The following ZFHX3 variants were observed in gnomAD, a reference collection of about 807,000 sequenced individuals.
ZFHX3 encodes the protein zinc finger homeobox protein 3.
A neutral mutation model predicts 279.1 loss-of-function variants in ZFHX3; 42 were observed. The observed-to-expected ratio is 0.15, with a 90% confidence interval of 0.12 to 0.19. ZFHX3 has a LOEUF of 0.19. Among genes scored for constraint, ZFHX3 ranks in the 10% least tolerant of loss-of-function variants. ZFHX3 has a pLI of 1.00. For synonymous variants in ZFHX3, 2,293 were observed against 1,957.8 expected (o/e 1.17, Z -4.52); for missense variants, 4,981 against 4,754.0 (o/e 1.05, Z -1.40).
chr16:73,283,554 A>G (rs1056799233), intron 4 of ZFHX3, among the ~76,000 whole-genome samples: 1 of 152,196 alleles, frequency 6.6e-6, no homozygotes, highest in Admixed American at 6.5e-5. Flanking sequence ...ATAAGAAAAC[A>G]TGGACATCCA....
chr16:73,347,083 C>T (rs2016138048), intron 3 of ZFHX3, among the ~76,000 whole-genome samples: 1 of 152,176 alleles, frequency 6.6e-6, no homozygotes, highest in East Asian at 1.9e-4. Flanking sequence ...AAATCTAGGT[C>T]TCTGTGATGC....
At chr16:72,803,827 T>G (rs1203944768) in intron 7 of ZFHX3, among the ~76,000 whole-genome samples, 1 of 152,246 alleles carries the variant, frequency 6.6e-6, no homozygotes, top group African/African-American at 2.4e-5. Flanking sequence ...AAAATTCAAC[T>G]GATTACAGCC....
intron 3 of ZFHX3, among the ~76,000 whole-genome samples, chr16:72,928,604 A>G (rs535710902): frequency 1.5e-3 from 231 of 152,300 alleles, no homozygotes; most frequent in Non-Finnish European, 2.7e-3. Context: ...GCCTGTTCAT[A>G]TAAGATTACC....
At chr16:73,755,506 A>G (rs1025760826) in intron 1 of ZFHX3, among the ~76,000 whole-genome samples, 1 of 152,210 alleles carries the variant, frequency 6.6e-6, no homozygotes, top group Admixed American at 6.5e-5. Context: ...CTTCCTTTTT[A>G]AAAGAATCCT....
chr16:73,601,610 G>A (rs916370129), intron 2 of ZFHX3, among the ~76,000 whole-genome samples: 5 of 152,112 alleles, frequency 3.3e-5, no homozygotes, highest in Non-Finnish European at 7.3e-5. Flanking sequence ...TAATCCAACA[G>A]AATGGGCATT....
chr16:73,568,517 C>T (rs1354744993), intron 2 of ZFHX3, among the ~76,000 whole-genome samples: 4 of 152,126 alleles, frequency 2.6e-5, no homozygotes, highest in African/African-American at 9.7e-5. Flanking sequence ...CAGTGCTACA[C>T]CCAAAAATCA....
intron 2 of ZFHX3, among the ~76,000 whole-genome samples, chr16:73,648,054 T>C (rs752863242): frequency 2.0e-5 from 3 of 152,202 alleles, no homozygotes; most frequent in Admixed American, 6.5e-5. Context: ...AGAATGTAAA[T>C]TGGGGCTACA....
intron 3 of ZFHX3, chr16:73,402,356 A>G (rs966203349): frequency 1.6e-4 from 24 of 152,226 alleles, no homozygotes; most frequent in African/African-American, 5.8e-4. Flanking sequence ...CCTAGCATGA[A>G]GGGCAACTTG....
chr16:73,359,429 G>A (rs1201623952), intron 3 of ZFHX3, among the ~76,000 whole-genome samples: 2 of 152,116 alleles, frequency 1.3e-5, no homozygotes, highest in African/African-American at 2.4e-5. Context: ...ACACACCATC[G>A]GCAAAGGCTC....
intron 5 of ZFHX3, among the ~76,000 whole-genome samples, chr16:72,817,694 G>A (rs188045825): frequency 4.3e-4 from 66 of 152,318 alleles, no homozygotes; most frequent in Non-Finnish European, 6.3e-4. Flanking sequence ...TTACTGGGAA[G>A]TTTCTTTTGC....
intron 1 of ZFHX3, among the ~76,000 whole-genome samples, chr16:73,007,613 A>AT (rs1172906589): frequency 6.6e-6 from 1 of 151,860 alleles, no homozygotes; most frequent in Non-Finnish European, 1.5e-5. Flanking sequence ...CACCCGGCTG[A>AT]TTTTTTGTAT....
intron 4 of ZFHX3, among the ~76,000 whole-genome samples, chr16:72,886,455 T>C (rs930580806): frequency 4.6e-5 from 7 of 152,222 alleles, no homozygotes; most frequent in African/African-American, 1.2e-4. Flanking sequence ...CCGGGCTGCA[T>C]CCACGGAAGC....
chr16:72,874,276 G>A (rs1034545325), intron 4 of ZFHX3, among the ~76,000 whole-genome samples: 3 of 137,864 alleles, frequency 2.2e-5, no homozygotes, highest in South Asian at 2.3e-4. Context: ...GCACAATCTC[G>A]GCTCGCTGCA....
At chr16:72,861,575 G>A (rs1453482678) in intron 4 of ZFHX3, among the ~76,000 whole-genome samples, 2 of 152,086 alleles carry the variant, frequency 1.3e-5, no homozygotes, top group African/African-American at 4.8e-5. Context: ...AGCCCCAAAC[G>A]CCTCCTGGAA....
intron 2 of ZFHX3, among the ~76,000 whole-genome samples, chr16:73,639,153 T>C (rs2142154534): frequency 6.6e-6 from 1 of 152,330 alleles, no homozygotes; most frequent in Non-Finnish European, 1.5e-5. Flanking sequence ...CTCTTCTTTC[T>C]TCATACCCAA....
intron 1 of ZFHX3, among the ~76,000 whole-genome samples, chr16:73,699,818 G>T (rs1325036346): frequency 6.6e-6 from 1 of 152,178 alleles, no homozygotes; most frequent in Non-Finnish European, 1.5e-5. Flanking sequence ...CACCGTAACA[G>T]TTCCAGTCTG....
intron 2 of ZFHX3, among the ~76,000 whole-genome samples, chr16:73,591,449 T>G (rs943565775): frequency 6.6e-6 from 1 of 151,666 alleles, no homozygotes; most frequent in African/African-American, 2.4e-5. Context: ...ATCCCAGCAC[T>G]TTGGGAGGCC....
chr16:72,857,847 A>C (rs1206945946), intron 4 of ZFHX3, among the ~76,000 whole-genome samples: 2 of 152,246 alleles, frequency 1.3e-5, no homozygotes, highest in African/African-American at 2.4e-5. Context: ...TGTATAATTC[A>C]TGCCACTGGT....
In ZFHX3 at chr16:73,313,440, AAC is replaced by A. The variant is rs531003144; in HGVS notation, c.-1194+4798_-1194+4799del. Among the ~76,000 whole-genome samples the A allele has an allele frequency of 2.5e-3, 378 of 152,328 alleles. 1 individual carries two copies. The highest frequency in any genetic ancestry group is 4.2e-3 in the Non-Finnish European group (285 of 68,034). On this transcript the variant is annotated intron_variant, in intron 4 of 17. Transcript: ENST00000641206. ...GTATAGTATGTACTACGTGTCAAAA[AAC>A]ACAGTTTGGAATGCTGCACCTATAC...
Sources: gnomAD v4.1 joint callset for allele counts (sites outside exome capture counted in the v4.1 genomes callset) on GRCh38, gnomAD v4.1.1 for gene constraint, MANE v1.5 for transcripts, NCBI Gene and HGNC (gene_info 2026-07-23, HGNC 2026-07-21) for gene names.